The following KCNB2 variants were observed in gnomAD, a reference collection of about 807,000 sequenced individuals.
KCNB2 encodes delayed rectifier potassium channel protein.
KCNB2 carries 15 observed loss-of-function variants against 61.5 expected under a neutral mutation model. The observed-to-expected ratio is 0.24, with a 90% confidence interval of 0.16 to 0.38. The LOEUF (loss-of-function observed/expected upper bound fraction) is 0.38. Ranked by LOEUF, KCNB2 falls within the 10% of genes least tolerant of loss-of-function variation. KCNB2 has a pLI of 1.00. For synonymous variants in KCNB2, 457 were observed against 446.0 expected, an observed-to-expected ratio of 1.02 and a Z score of -0.31; for missense variants, 828 against 1,125.2, an observed-to-expected ratio of 0.74 and a Z score of 3.78.
At chr8:72,806,073 G>A (rs761150135) in intron 2 of KCNB2, among the ~76,000 whole-genome samples, 4 of 152,094 alleles carry the variant, frequency 2.6e-5, no homozygotes, top group Non-Finnish European at 5.9e-5. Context: ...CATTAAAAAT[G>A]ATGAGGCCAG....
At chr8:72,868,124 T>C (rs184272019) in intron 2 of KCNB2, among the ~76,000 whole-genome samples, 5 of 150,134 alleles carry the variant, frequency 3.3e-5, no homozygotes, top group African/African-American at 1.2e-4. Flanking sequence ...CAGGCTAGAG[T>C]TCAATGGTGC....
In KCNB2 at chr8:72,936,363, C is replaced by T. The variant is rs1296642146; in HGVS notation, c.1008C>T (p.Gly336=). ...TTAGGCGGAGTTACAATGAATTGGGCTTGTTGATATTGTTTCTGGCCATGG... is the reference window on the plus strand; with the variant it reads ...TTAGGCGGAGTTACAATGAATTGGGTTTGTTGATATTGTTTCTGGCCATGG... ...FTLRRSYNEL[G]LLILFLAMGI... is the part of the protein sequence containing the mutation. Residue 336 remains glycine (G), a synonymous_variant, in exon 3 of 3, where the codon GGC becomes GGT. Transcript: ENST00000523207. The surrounding 1 kb of genome is among the most constrained non-coding windows in gnomAD (Gnocchi z 5.6). 5.0e-6 allele frequency: 8 copies of T among 1,614,212 alleles called. No homozygotes were observed. Among genetic ancestry groups the T allele is most frequent in the Non-Finnish European group, 5.9e-6 (7 of 1,180,034 alleles).
chr8:72,706,879 A>G (rs755418465), intron 2 of KCNB2, among the ~76,000 whole-genome samples: 1 of 152,216 alleles, frequency 6.6e-6, no homozygotes, highest in Non-Finnish European at 1.5e-5. Flanking sequence ...GTCTCTGTTC[A>G]TGAATCTGTT....
At chr8:72,583,948 C>CAAAAAAAAAAA (rs71566823) in intron 2 of KCNB2, among the ~76,000 whole-genome samples, 45 of 100,622 alleles carry the variant, frequency 4.5e-4, no homozygotes, top group Non-Finnish European at 6.4e-4. Flanking sequence ...AATAGAATAT[C>CAAAAAAAAAAA]AAAAAAAAAA....
intron 2 of KCNB2, among the ~76,000 whole-genome samples, chr8:72,739,619 A>C (rs774116332): frequency 6.6e-6 from 1 of 152,002 alleles, no homozygotes; most frequent in African/African-American, 2.4e-5. Context: ...GGAAAATTAC[A>C]TATGGTTTGG....
At position 72,851,840 on chromosome 8, in the gene KCNB2, A is replaced by ACAAAACAAAAC. The variant is rs1554538997; in HGVS notation, c.580-84095_580-84094insCAAAACAAAAC. 5.3e-3 allele frequency among the ~76,000 whole-genome samples: 710 copies of ACAAAACAAAAC among 134,542 alleles called. 32 individuals are homozygous for ACAAAACAAAAC. Among genetic ancestry groups the ACAAAACAAAAC allele is most frequent in the African/African-American group, 0.018 (597 of 33,172 alleles). The allele number at this position is 134,542 out of a possible 152,430, so 88.3% of individuals were successfully genotyped here. ...AGAAGCTGTAGGAAAAAAAAAAAAA[A>ACAAAACAAAAC]AAAAAAAACACGTACTGCTGAGTTC... On this transcript the variant is annotated intron_variant, in intron 2 of 2. Transcript: ENST00000523207.
chr8:72,806,063 C>A (rs957614532), intron 2 of KCNB2, among the ~76,000 whole-genome samples: 5 of 152,048 alleles, frequency 3.3e-5, no homozygotes, highest in African/African-American at 1.2e-4. Flanking sequence ...GCTCTCAATT[C>A]ATTAAAAATG....
intron 2 of KCNB2, among the ~76,000 whole-genome samples, chr8:72,721,505 T>C (rs1345441635): frequency 6.6e-6 from 1 of 152,228 alleles, no homozygotes; most frequent in African/African-American, 2.4e-5. Context: ...AGTAAGGTTA[T>C]TGACTGGGCT....
intron 2 of KCNB2, among the ~76,000 whole-genome samples, chr8:72,785,916 TG>T (rs1360776766): frequency 2.6e-5 from 4 of 152,082 alleles, no homozygotes; most frequent in South Asian, 4.1e-4. Context: ...ACCAGCATAC[TG>T]AAAAGGCCAA....
At chr8:72,638,586 G>C (rs1806005496) in intron 2 of KCNB2, among the ~76,000 whole-genome samples, 2 of 151,934 alleles carry the variant, frequency 1.3e-5, no homozygotes, top group South Asian at 4.2e-4. Context: ...TTTTAAGCTG[G>C]CCATAAAGTT....
chr8:72,589,640 T>C (rs912509162), intron 2 of KCNB2, among the ~76,000 whole-genome samples: 2 of 152,220 alleles, frequency 1.3e-5, no homozygotes, highest in African/African-American at 2.4e-5. Context: ...CCTAATTCTG[T>C]TGACATATTT....
At chr8:72,617,116 CA>C (rs926513286) in intron 2 of KCNB2, among the ~76,000 whole-genome samples, 1 of 152,162 alleles carries the variant, frequency 6.6e-6, no homozygotes, top group Non-Finnish European at 1.5e-5. Context: ...AGGCCAGGGT[CA>C]GGGGGAAATG....
chr8:72,775,489 T>C (rs1563381536), intron 2 of KCNB2, among the ~76,000 whole-genome samples: 1 of 152,142 alleles, frequency 6.6e-6, no homozygotes, highest in Non-Finnish European at 1.5e-5. Flanking sequence ...TTCCCTTCAA[T>C]AATAAGATGT....
At chr8:72,693,689 C>T (rs1237425596) in intron 2 of KCNB2, among the ~76,000 whole-genome samples, 1 of 152,184 alleles carries the variant, frequency 6.6e-6, no homozygotes, top group African/African-American at 2.4e-5. Context: ...TGGACGCCTG[C>T]TCTCCCAATA....
intron 2 of KCNB2, among the ~76,000 whole-genome samples, chr8:72,709,438 C>T (rs986695684): frequency 6.6e-6 from 1 of 151,828 alleles, no homozygotes; most frequent in African/African-American, 2.4e-5. Flanking sequence ...GCTCACAGTC[C>T]TGCAGGCTGT....
At chr8:72,929,783 A>C (rs1205729852) in intron 2 of KCNB2, among the ~76,000 whole-genome samples, 1 of 152,094 alleles carries the variant, frequency 6.6e-6, no homozygotes, top group East Asian at 1.9e-4. Flanking sequence ...GTATACACAC[A>C]TAATTGTTTT....
At chr8:72,825,748 G>T (rs1243908476) in intron 2 of KCNB2, among the ~76,000 whole-genome samples, 7 of 151,980 alleles carry the variant, frequency 4.6e-5, no homozygotes, top group Non-Finnish European at 8.8e-5. Context: ...GCATTGTTTG[G>T]TTTTTTTAAT....
intron 2 of KCNB2, among the ~76,000 whole-genome samples, chr8:72,891,674 C>T (rs773417362): frequency 3.3e-5 from 5 of 152,198 alleles, no homozygotes; most frequent in South Asian, 2.1e-4. Flanking sequence ...ACTTCATTCA[C>T]TCATAGTTCA....
chr8:72,699,653 A>G (rs138230955), intron 2 of KCNB2, among the ~76,000 whole-genome samples: 2 of 152,012 alleles, frequency 1.3e-5, no homozygotes, highest in Non-Finnish European at 2.9e-5. Flanking sequence ...TGGTGTTTTC[A>G]TCATGAAGTC....
Sources: gnomAD v4.1 joint callset for allele counts (sites outside exome capture counted in the v4.1 genomes callset) on GRCh38, gnomAD v4.1.1 for gene constraint, Gnocchi (gnomAD v3.1) non-coding constraint, MANE v1.5 for transcripts, NCBI Gene and HGNC (gene_info 2026-07-23, HGNC 2026-07-21) for gene names.